The following MAMDC2 variants were observed in gnomAD, a reference collection of about 807,000 sequenced individuals.
The protein encoded by MAMDC2 is MAM domain containing 2, also known as MAM domain-containing protein 2.
In MAMDC2, 57 loss-of-function variants were observed where a neutral mutation model predicts 89.8. The observed-to-expected ratio is 0.63, with a 90% confidence interval of 0.51 to 0.79. The LOEUF (loss-of-function observed/expected upper bound fraction) is 0.79, where lower values mean the gene tolerates loss of function less well. MAMDC2 is among the 30% of genes least tolerant of loss of function. The probability of loss-of-function intolerance (pLI) is 0.00; values close to 1 mark genes in which losing one functional copy is unlikely to be tolerated. For missense variants in MAMDC2, 800 were observed against 820.6 expected, an observed-to-expected ratio of 0.97 and a Z score of 0.31; for synonymous variants, 313 against 293.4, an observed-to-expected ratio of 1.07 and a Z score of -0.68.
At chr9:70,170,763 C>A (rs771181406) in intron 11 of MAMDC2, 132 bp downstream of exon 11, 2 of 794,772 alleles carry the variant, frequency 2.5e-6, no homozygotes, top group Non-Finnish European at 3.8e-6. Context: ...TGATTCTACA[C>A]ACACAGGATG....
At chr9:70,217,611 G>A (rs1315515203) in intron 11 of MAMDC2, 8 of 1,610,902 alleles carry the variant, frequency 5.0e-6, no homozygotes, top group Non-Finnish European at 6.8e-6. Flanking sequence ...CAGCACCTAA[G>A]CAAAAGATTG....
At chr9:70,204,561 C>T (rs1248007999) in intron 11 of MAMDC2, among the ~76,000 whole-genome samples, 1 of 150,196 alleles carries the variant, frequency 6.7e-6, no homozygotes, top group African/African-American at 2.5e-5. Context: ...AGGCAGGCCT[C>T]CTTGAGCTGT....
intron 5 of MAMDC2, among the ~76,000 whole-genome samples, chr9:70,121,042 A>G (rs1432260772): frequency 6.6e-6 from 1 of 152,202 alleles, no homozygotes; most frequent in Non-Finnish European, 1.5e-5. Context: ...AGACAACACA[A>G]CTGGAGTGCA....
At chr9:70,103,779 C>G (rs1400820694) in intron 2 of MAMDC2, among the ~76,000 whole-genome samples, 1 of 151,784 alleles carries the variant, frequency 6.6e-6, no homozygotes, top group Non-Finnish European at 1.5e-5. Context: ...CTCAGGAGTT[C>G]GAGACCAGTC....
chr9:70,158,572 A>C (rs1165308379), intron 9 of MAMDC2, among the ~76,000 whole-genome samples: 1 of 151,872 alleles, frequency 6.6e-6, no homozygotes, highest in Non-Finnish European at 1.5e-5. Context: ...TGTACTATAC[A>C]TATGTATACA....
chr9:70,067,965 A>G (rs558684357), intron 2 of MAMDC2, among the ~76,000 whole-genome samples: 1 of 152,270 alleles, frequency 6.6e-6, no homozygotes, highest in South Asian at 2.1e-4. Flanking sequence ...TCTACATTTT[A>G]TTTTCAACAT....
intron 2 of MAMDC2, chr9:70,094,084 G>A (rs1827969524): frequency 6.6e-6 from 1 of 152,222 alleles, no homozygotes; most frequent in Non-Finnish European, 1.5e-5. Flanking sequence ...GGTTTCAAAT[G>A]TTGGCAGATT....
chr9:70,218,606 C>G lies in MAMDC2; in HGVS notation c.1911+10C>G, dbSNP rs145944854. Reference sequence around the variant, plus strand: ...TGAGAGGCAACACCAGGTAAGCCAACAGAGATAAGAACTAAGCAATGGAAA... The same window carrying G: ...TGAGAGGCAACACCAGGTAAGCCAAGAGAGATAAGAACTAAGCAATGGAAA... On this transcript the variant is annotated intron_variant, in intron 12 of 13. Coordinates refer to ENST00000377182, the MANE Select transcript of MAMDC2 (RefSeq NM_153267.5). The G allele has an allele frequency of 1.9e-6, 3 of 1,596,536 alleles. No individual in the cohort carries two copies. The highest frequency in any genetic ancestry group is 1.3e-5 in the African/African-American group (1 of 74,608).
At chr9:70,066,887 T>C (rs750779524) in intron 2 of MAMDC2, among the ~76,000 whole-genome samples, 16 of 152,170 alleles carry the variant, frequency 1.1e-4, no homozygotes, top group Non-Finnish European at 1.6e-4. Flanking sequence ...ACAACTCAAT[T>C]AATAAATTAA....
At chr9:70,121,417 A>G (rs2030279191) in intron 5 of MAMDC2, among the ~76,000 whole-genome samples, 2 of 152,044 alleles carry the variant, frequency 1.3e-5, no homozygotes, top group South Asian at 4.1e-4. Flanking sequence ...TTTTTTGCCT[A>G]GAAACCTCAG....
chr9:70,154,143 C>T (rs190063944), intron 9 of MAMDC2: 1 of 152,348 alleles, frequency 6.6e-6, no homozygotes, highest in East Asian at 1.9e-4. Flanking sequence ...TGAAATTGTA[C>T]TTACCTGTCT....
At chr9:70,097,684 T>C (rs1444823826) in intron 2 of MAMDC2, among the ~76,000 whole-genome samples, 1 of 152,184 alleles carries the variant, frequency 6.6e-6, no homozygotes, top group Non-Finnish European at 1.5e-5. Flanking sequence ...CAGATAATTT[T>C]GCCCACCACA....
At chr9:70,151,433 A>G (rs543762186) in intron 9 of MAMDC2, among the ~76,000 whole-genome samples, 1 of 152,356 alleles carries the variant, frequency 6.6e-6, no homozygotes, top group South Asian at 2.1e-4. Context: ...CACAGCATCT[A>G]GCACTGTGCC....
chr9:70,098,221 G>A (rs2997690), intron 2 of MAMDC2, among the ~76,000 whole-genome samples: 9,711 of 152,206 alleles, frequency 0.064, 974 homozygotes, highest in African/African-American at 0.21. Flanking sequence ...CACCAGTGCT[G>A]CCCTTCTGCA....
At chr9:70,128,250 C>A (rs2209779) in intron 6 of MAMDC2, among the ~76,000 whole-genome samples, 95,867 of 152,142 alleles carry the variant, frequency 0.63, 30,957 homozygotes, top group Admixed American at 0.69. Context: ...ACATGCTGAT[C>A]AGGAATAGCA....
chr9:70,133,453 G>GGA (rs2030883055), intron 7 of MAMDC2, among the ~76,000 whole-genome samples: 1 of 152,234 alleles, frequency 6.6e-6, no homozygotes, highest in Non-Finnish European at 1.5e-5. Context: ...GCAAAGCACA[G>GGA]ACTCCTTCTG....
chr9:70,051,404 T>C (rs1157800428), intron 2 of MAMDC2, among the ~76,000 whole-genome samples: 1 of 152,188 alleles, frequency 6.6e-6, no homozygotes, highest in Non-Finnish European at 1.5e-5. Flanking sequence ...TCAGCTAATA[T>C]GTGGGGAGGA....
intron 11 of MAMDC2, among the ~76,000 whole-genome samples, chr9:70,196,602 T>C (rs1324078650): frequency 6.6e-6 from 1 of 151,780 alleles, no homozygotes; most frequent in East Asian, 1.9e-4. Context: ...ACTGAAGAGG[T>C]TGCATCTGCT....
chr9:70,159,602 C>T (rs1003228029), intron 9 of MAMDC2, among the ~76,000 whole-genome samples: 1 of 152,150 alleles, frequency 6.6e-6, no homozygotes, highest in Non-Finnish European at 1.5e-5. Flanking sequence ...GCAGAGTGAG[C>T]CCTTGAGAGG....
Sources: gnomAD v4.1 joint callset for allele counts (sites outside exome capture counted in the v4.1 genomes callset) on GRCh38, gnomAD v4.1.1 for gene constraint, MANE v1.5 for transcripts, NCBI Gene and HGNC (gene_info 2026-07-23, HGNC 2026-07-21) for gene names.